Variants in ALK observed in about 807,000 individuals in gnomAD.
ALK encodes the protein ALK tyrosine kinase receptor.
A neutral mutation model predicts 163.1 loss-of-function variants in ALK; 74 were observed. That is an observed-to-expected ratio of 0.45 (90% confidence interval 0.38 to 0.55). The LOEUF is 0.55. ALK is among the 20% of genes least tolerant of loss of function. The pLI is 0.00. For synonymous variants in ALK, 960 were observed against 843.2 expected (o/e 1.14, Z -2.40); for missense variants, 2,063 against 2,105.3 (o/e 0.98, Z 0.39).
rs959984189 is a variant in ALK at position 29,227,806 on chromosome 2, G to C, written c.2816-134C>G. 20 of 691,000 alleles carry C rather than the reference G, an allele frequency of 2.9e-5. No homozygotes were observed. The African/African-American group carries it at 3.5e-4, about 12-fold the overall frequency. 42.8% of individuals were successfully genotyped at this position (691,000 alleles called of 1,614,324 possible). On this transcript the variant is annotated intron_variant, in intron 16 of 28. Coordinates refer to ENST00000389048, the MANE Select transcript of ALK (RefSeq NM_004304.5). The surrounding 1 kb of genome is among the most constrained non-coding windows in gnomAD (Gnocchi z 4.4). ...GGGGACCTCAGGGGCAGGGATGCGG[G>C]GAGGGAAGGGAGGCTCAGGGCACAG... is the stretch of plus-strand genomic sequence containing the variant.
intron 4 of ALK, among the ~76,000 whole-genome samples, chr2:29,520,590 G>A (rs1352200562): frequency 6.6e-6 from 1 of 152,154 alleles, no homozygotes; most frequent in South Asian, 2.1e-4. Flanking sequence ...CAGAAGGTCT[G>A]GGGTCTCAAG....
At chr2:29,703,389 G>C (rs1374484275) in intron 2 of ALK, among the ~76,000 whole-genome samples, 1 of 152,150 alleles carries the variant, frequency 6.6e-6, no homozygotes. Flanking sequence ...TGTCATGAAT[G>C]ATTCACAGGA....
At chr2:29,363,092 CT>C (rs1668421732) in intron 5 of ALK, among the ~76,000 whole-genome samples, 1 of 152,198 alleles carries the variant, frequency 6.6e-6, no homozygotes, top group Non-Finnish European at 1.5e-5. Context: ...TTGTACTTGC[CT>C]CTTCCTCTCT....
chr2:29,619,593 C>T (rs901538309), intron 3 of ALK, among the ~76,000 whole-genome samples: 5 of 152,204 alleles, frequency 3.3e-5, no homozygotes, highest in African/African-American at 1.2e-4. Flanking sequence ...TGCCGGCCCT[C>T]AGCTTCTGGA....
At chr2:29,453,211 T>C (rs1000374199) in intron 4 of ALK, among the ~76,000 whole-genome samples, 108 of 152,206 alleles carry the variant, frequency 7.1e-4, no homozygotes, top group African/African-American at 2.5e-3. Flanking sequence ...GCAACTCTTA[T>C]TTAAATATCA....
At chr2:29,336,374 A>T (rs919500308) in intron 5 of ALK, among the ~76,000 whole-genome samples, 5 of 152,114 alleles carry the variant, frequency 3.3e-5, no homozygotes, top group African/African-American at 1.2e-4. Context: ...CATCTTTCCA[A>T]AGCCACACAC....
chr2:29,684,830 A>T (rs1288331876), intron 3 of ALK, among the ~76,000 whole-genome samples: 1 of 152,170 alleles, frequency 6.6e-6, no homozygotes, highest in Non-Finnish European at 1.5e-5. Context: ...GGTGTTCAAA[A>T]ACTGGAATTG....
At chr2:29,779,234 G>A (rs57498646) in intron 1 of ALK, among the ~76,000 whole-genome samples, 2,959 of 152,226 alleles carry the variant, frequency 0.019, 95 homozygotes, top group African/African-American at 0.068. Flanking sequence ...GGGTTAAGTC[G>A]AAATAATTTG....
At chr2:29,864,859 C>CAGACATGTATAGAACTAGCAGTT (rs1666386838) in intron 1 of ALK, among the ~76,000 whole-genome samples, 1 of 152,128 alleles carries the variant, frequency 6.6e-6, no homozygotes, top group African/African-American at 2.4e-5. Context: ...TTTCCTAGAC[C>CAGACATGTATAGAACTAGCAGTT]AGACATGTAT....
chr2:29,326,909 G>A (rs1374173910), intron 6 of ALK, among the ~76,000 whole-genome samples: 3 of 152,150 alleles, frequency 2.0e-5, no homozygotes, highest in African/African-American at 7.2e-5. Context: ...CATTTGCTCC[G>A]GGTCTGGGCC....
chr2:29,564,026 G>T (rs950229652), intron 3 of ALK, among the ~76,000 whole-genome samples: 3 of 151,836 alleles, frequency 2.0e-5, no homozygotes, highest in African/African-American at 7.3e-5. Flanking sequence ...TGCCCTTTAA[G>T]GTGGTTCTTT....
At chr2:29,647,775 CT>C (rs34620705) in intron 3 of ALK, among the ~76,000 whole-genome samples, 150 of 117,202 alleles carry the variant, frequency 1.3e-3, no homozygotes, top group East Asian at 2.7e-3. Flanking sequence ...ATGATTTTTT[CT>C]TTTTTTTTTT....
intron 1 of ALK, among the ~76,000 whole-genome samples, chr2:29,757,264 C>G (rs1411185481): frequency 2.0e-5 from 3 of 152,194 alleles, no homozygotes; most frequent in Non-Finnish European, 4.4e-5. Context: ...GATATAGTAA[C>G]AGCTGGTACT....
intron 1 of ALK, among the ~76,000 whole-genome samples, chr2:29,723,379 G>T (rs781601453): frequency 1.3e-5 from 2 of 152,152 alleles, no homozygotes; most frequent in Non-Finnish European, 2.9e-5. Flanking sequence ...TTCCCAGAAA[G>T]AATTTCCCTG....
At chr2:29,579,523 T>C (rs913920207) in intron 3 of ALK, among the ~76,000 whole-genome samples, 4 of 152,346 alleles carry the variant, frequency 2.6e-5, no homozygotes, top group South Asian at 4.1e-4. Flanking sequence ...CATTGTTATA[T>C]GCAAAGAAAT....
At chr2:29,492,718 C>T (rs10171490) in intron 4 of ALK, among the ~76,000 whole-genome samples, 22,541 of 152,178 alleles carry the variant, frequency 0.15, 1,996 homozygotes, top group African/African-American at 0.23. Context: ...ATGTAAATAA[C>T]ATCAAGGGTT....
At chr2:29,430,989 G>A (rs1670258657) in intron 4 of ALK, among the ~76,000 whole-genome samples, 1 of 151,542 alleles carries the variant, frequency 6.6e-6, no homozygotes, top group African/African-American at 2.4e-5. Context: ...TAGAAGGCAA[G>A]GCGAGGCTTT....
chr2:29,405,220 C>T (rs1482937723), intron 4 of ALK, among the ~76,000 whole-genome samples: 1 of 152,026 alleles, frequency 6.6e-6, no homozygotes, highest in East Asian at 1.9e-4. Context: ...AGAGGCAGAG[C>T]TTAAGGTCTA....
intron 1 of ALK, among the ~76,000 whole-genome samples, chr2:29,853,581 C>T (rs1666060887): frequency 6.6e-6 from 1 of 152,194 alleles, no homozygotes; most frequent in Non-Finnish European, 1.5e-5. Flanking sequence ...TTCCTGCCTC[C>T]CACCTCTGCT....
Sources: allele counts gnomAD v4.1 joint callset (sites outside exome capture counted in the v4.1 genomes callset), GRCh38; gene constraint gnomAD v4.1.1; non-coding constraint Gnocchi (gnomAD v3.1); transcripts MANE v1.5; gene names NCBI Gene and HGNC (gene_info 2026-07-23, HGNC 2026-07-21).